Variants in STAU2 observed in about 807,000 individuals in gnomAD.
STAU2 encodes staufen double-stranded RNA binding protein 2, also known as double-stranded RNA-binding protein Staufen homolog 2.
A neutral mutation model predicts 65.9 loss-of-function variants in STAU2; 20 were observed. The ratio of observed to expected loss-of-function variants is 0.30; its 90% CI spans 0.21 to 0.44. The LOEUF (loss-of-function observed/expected upper bound fraction) is 0.44, where lower values mean the gene tolerates loss of function less well. Ranked by LOEUF, STAU2 falls within the 20% of genes least tolerant of loss-of-function variation. The pLI is 1.00. For missense variants in STAU2, 558 were observed against 683.9 expected (o/e 0.82, Z 2.05); for synonymous variants, 232 against 233.9 (o/e 0.99, Z 0.07).
At chr8:73,634,249 TTTTATTTA>T (rs1180878937) in intron 6 of STAU2, among the ~76,000 whole-genome samples, 1 of 152,128 alleles carries the variant, frequency 6.6e-6, no homozygotes, top group Non-Finnish European at 1.5e-5. Context: ...GCAAAACGGT[TTTTATTTA>T]TTTATTTATT....
At chr8:73,725,139 T>G (rs1375046659) in intron 3 of STAU2, among the ~76,000 whole-genome samples, 1 of 152,222 alleles carries the variant, frequency 6.6e-6, no homozygotes, top group African/African-American at 2.4e-5. Flanking sequence ...AATTGAGCAT[T>G]TAAGTCATTT....
At chr8:73,425,318 C>A (rs906148542) in intron 13 of STAU2, among the ~76,000 whole-genome samples, 3 of 152,090 alleles carry the variant, frequency 2.0e-5, no homozygotes, top group Admixed American at 2.0e-4. Flanking sequence ...GAACACAGAC[C>A]CACACAGGGA....
intron 13 of STAU2, among the ~76,000 whole-genome samples, chr8:73,478,181 G>A (rs1253099221): frequency 6.6e-6 from 1 of 151,262 alleles, no homozygotes; most frequent in Non-Finnish European, 1.5e-5. Flanking sequence ...AAAGATTAAA[G>A]ATAAAGTATA....
chr8:73,728,022 T>C (rs1586364106), intron 3 of STAU2: 1 of 152,338 alleles, frequency 6.6e-6, no homozygotes, highest in East Asian at 1.9e-4. Flanking sequence ...CTATTCCAAG[T>C]CCTTTGCCCA....
chr8:73,494,268 T>C (rs1429739177), intron 13 of STAU2, among the ~76,000 whole-genome samples: 2 of 151,610 alleles, frequency 1.3e-5, no homozygotes, highest in Non-Finnish European at 3.0e-5. Context: ...TGAAATCCAA[T>C]ACAAAAATGA....
At position 73,495,139 on chromosome 8, in the gene STAU2, A is replaced by G. The variant is rs61273446; in HGVS notation, c.1530+56873T>C. 2.9e-3 allele frequency among the ~76,000 whole-genome samples: 438 copies of G among 151,720 alleles called. 3 individuals carry two copies. Among genetic ancestry groups the G allele is most frequent in the African/African-American group, 0.01 (417 of 41,482 alleles). On this transcript the variant is annotated intron_variant, in intron 13 of 14. Transcript: ENST00000524300. The stretch of plus-strand genomic sequence containing the variant: ...TTTTTTTCCATTTTCAATGGAAATA[A>G]TAAATCTCTACTTTGTATCACATTC...
chr8:73,453,674 G>A (rs1347116929), intron 13 of STAU2, among the ~76,000 whole-genome samples: 2 of 151,666 alleles, frequency 1.3e-5, no homozygotes, highest in African/African-American at 4.8e-5. Flanking sequence ...AGCACAGAAG[G>A]AGAAAAAAAA....
At chr8:73,463,724 T>A (rs974831191) in intron 13 of STAU2, among the ~76,000 whole-genome samples, 1 of 152,244 alleles carries the variant, frequency 6.6e-6, no homozygotes, top group African/African-American at 2.4e-5. Context: ...TGTTCCTTGT[T>A]TATCTCATAT....
intron 13 of STAU2, among the ~76,000 whole-genome samples, chr8:73,525,253 AT>A (rs1478798397): frequency 6.6e-6 from 1 of 152,228 alleles, no homozygotes; most frequent in Non-Finnish European, 1.5e-5. Context: ...TAATATAAAA[AT>A]GTCTTAATTT....
chr8:73,536,921 T>C (rs1000349679), intron 13 of STAU2, among the ~76,000 whole-genome samples: 1 of 152,176 alleles, frequency 6.6e-6, no homozygotes, highest in African/African-American at 2.4e-5. Flanking sequence ...AGAACCAGAA[T>C]AATCTCAACT....
chr8:73,483,314 T>C lies in STAU2; in HGVS notation c.1531-60612A>G, dbSNP rs531168177. ...ATCAGGGGGGAAAAAACCTCACAAA[T>C]TGTCTAGGCAGTCGTGAGCAATCAT... On this transcript the variant is annotated intron_variant, in intron 13 of 14. Transcript: ENST00000524300. 1.1e-4 allele frequency among the ~76,000 whole-genome samples: 16 copies of C among 152,206 alleles called. No homozygotes were observed. In the South Asian group the frequency reaches 3.1e-3, roughly 30 times the overall value.
intron 4 of STAU2, among the ~76,000 whole-genome samples, chr8:73,692,200 T>C (rs952618470): frequency 6.6e-6 from 1 of 151,418 alleles, no homozygotes; most frequent in African/African-American, 2.4e-5. Context: ...CGTACTTCTT[T>C]TTTTTTTTTT....
chr8:73,422,533 T>C, intron 14 of STAU2, 81 bp downstream of exon 14: 3 of 1,150,148 alleles, frequency 2.6e-6, no homozygotes, highest in Non-Finnish European at 3.5e-6. Context: ...TTGTCGACTT[T>C]TTAAAACATT....
chr8:73,448,519 G>A (rs910101309), intron 13 of STAU2, among the ~76,000 whole-genome samples: 3 of 152,046 alleles, frequency 2.0e-5, no homozygotes, highest in Admixed American at 6.5e-5. Context: ...CTGAGTTCAG[G>A]CAATCAGCCC....
chr8:73,516,051 A>G (rs1256341998), intron 13 of STAU2, among the ~76,000 whole-genome samples: 1 of 151,058 alleles, frequency 6.6e-6, no homozygotes, highest in East Asian at 2.0e-4. Context: ...CTCCCACCTC[A>G]GCCTCCTGAG....
intron 5 of STAU2, among the ~76,000 whole-genome samples, chr8:73,674,220 T>G (rs1817878517): frequency 6.6e-6 from 1 of 151,770 alleles, no homozygotes; most frequent in South Asian, 2.1e-4. Flanking sequence ...CATGAATTTT[T>G]TGCATAATTA....
chr8:73,696,174 C>A (rs1442158529), intron 4 of STAU2, among the ~76,000 whole-genome samples: 1 of 152,222 alleles, frequency 6.6e-6, no homozygotes, highest in Non-Finnish European at 1.5e-5. Context: ...GCTGCCAAGG[C>A]TGTACCTCTA....
intron 13 of STAU2, among the ~76,000 whole-genome samples, chr8:73,543,063 G>A (rs1806654275): frequency 6.6e-6 from 1 of 152,144 alleles, no homozygotes; most frequent in Non-Finnish European, 1.5e-5. Flanking sequence ...GAAACAATTT[G>A]TGGTATATAT....
intron 13 of STAU2, among the ~76,000 whole-genome samples, chr8:73,427,745 C>T (rs959422252): frequency 1.3e-5 from 2 of 152,234 alleles, no homozygotes; most frequent in African/African-American, 4.8e-5. Context: ...CCATGCCAGA[C>T]CTTTTTCCAG....
Sources: gnomAD v4.1 joint callset for allele counts (sites outside exome capture counted in the v4.1 genomes callset) on GRCh38, gnomAD v4.1.1 for gene constraint, MANE v1.5 for transcripts, NCBI Gene and HGNC (gene_info 2026-07-23, HGNC 2026-07-21) for gene names.